The following LNPK variants were observed in gnomAD, a reference collection of about 807,000 sequenced individuals.
The protein encoded by LNPK is endoplasmic reticulum junction formation protein lunapark.
In LNPK, 29 loss-of-function variants were observed where a neutral mutation model predicts 55.2. That is an observed-to-expected ratio of 0.53 (90% CI 0.39 to 0.72). The LOEUF (loss-of-function observed/expected upper bound fraction) is 0.72. LNPK is among the 30% of genes least tolerant of loss of function. The probability of loss-of-function intolerance (pLI) is 0.00; values close to 1 mark genes in which losing one functional copy is unlikely to be tolerated. For missense variants in LNPK, 467 were observed against 494.8 expected, an observed-to-expected ratio of 0.94 and a Z score of 0.53; for synonymous variants, 162 against 168.2, an observed-to-expected ratio of 0.96 and a Z score of 0.29.
intron 9 of LNPK, among the ~76,000 whole-genome samples, chr2:175,946,332 C>G (rs1452799495): frequency 6.6e-5 from 10 of 152,068 alleles, no homozygotes; most frequent in Non-Finnish European, 1.3e-4. Flanking sequence ...TCAAATCAAC[C>G]AGATAACAAC....
intron 8 of LNPK, among the ~76,000 whole-genome samples, chr2:175,950,334 G>C (rs978365970): frequency 6.6e-6 from 1 of 152,084 alleles, no homozygotes; most frequent in Non-Finnish European, 1.5e-5. Context: ...AAGAGCTAGT[G>C]TTTGACAGTA....
chr2:175,929,410 G>A lies in LNPK; in HGVS notation c.*557C>T. 1 of 985,616 alleles carries A rather than the reference G, an allele frequency of 1.0e-6. No homozygotes were observed. Among genetic ancestry groups the A allele is most frequent in the Non-Finnish European group, 1.2e-6 (1 of 829,710 alleles). 61.1% of individuals were successfully genotyped at this position (985,616 alleles called of 1,614,324 possible). On this transcript the variant is annotated 3_prime_UTR_variant, in exon 13 of 13. Transcript: ENST00000272748. ...AACGTAGTTACAGTTCTACTTAACTGTTCCACTGCATTCTTATTGAGAATT... is the reference window on the plus strand; with the variant it reads ...AACGTAGTTACAGTTCTACTTAACTATTCCACTGCATTCTTATTGAGAATT...
At chr2:175,937,231 T>G in intron 12 of LNPK, 113 bp downstream of exon 12, 1 of 1,005,278 alleles carries the variant, frequency 9.9e-7, no homozygotes, top group South Asian at 1.6e-5. Context: ...AGTTGACATA[T>G]GCATGCAGCA....
chr2:175,960,909 C>T (rs1321307169), intron 8 of LNPK, among the ~76,000 whole-genome samples: 1 of 152,104 alleles, frequency 6.6e-6, no homozygotes, highest in African/African-American at 2.4e-5. Context: ...ATACAAACTA[C>T]CATAAGAGAA....
intron 12 of LNPK, among the ~76,000 whole-genome samples, chr2:175,930,441 T>C (rs1162423958): frequency 6.6e-6 from 1 of 152,146 alleles, no homozygotes; most frequent in African/African-American, 2.4e-5. Flanking sequence ...CCCATAAATA[T>C]ACTTTTTCTA....
At chr2:175,939,794 A>G (rs902055772) in intron 9 of LNPK, 137 bp from the exon 10 acceptor site, 11 of 510,698 alleles carry the variant, frequency 2.2e-5, no homozygotes, top group African/African-American at 2.1e-4. Context: ...AATTCTTATA[A>G]ATCTCTGAAG....
At chr2:175,988,610 A>G (rs1399905897) in intron 4 of LNPK, among the ~76,000 whole-genome samples, 1 of 152,050 alleles carries the variant, frequency 6.6e-6, no homozygotes, top group Non-Finnish European at 1.5e-5. Flanking sequence ...TTTAACCACC[A>G]AAGACTTCAG....
chr2:175,943,591 G>T (rs1426277967), intron 9 of LNPK, among the ~76,000 whole-genome samples: 1 of 151,892 alleles, frequency 6.6e-6, no homozygotes, highest in Non-Finnish European at 1.5e-5. Flanking sequence ...TTTATTCCAA[G>T]AAAGCAAGTT....
intron 12 of LNPK, among the ~76,000 whole-genome samples, chr2:175,934,150 A>AG (rs1684427647): frequency 6.6e-6 from 1 of 152,228 alleles, no homozygotes; most frequent in African/African-American, 2.4e-5. Flanking sequence ...CATACTACAT[A>AG]TCTTGAGAAG....
intron 4 of LNPK, among the ~76,000 whole-genome samples, chr2:175,981,387 T>G (rs1300766614): frequency 6.6e-6 from 1 of 152,198 alleles, no homozygotes; most frequent in East Asian, 1.9e-4. Context: ...AACTGATGCC[T>G]GCTAACAGCC....
Position 175,929,769 on chromosome 2 carries a change from C to T in LNPK, c.*198G>A. 1 of 1,413,726 alleles carries T rather than the reference C, an allele frequency of 7.1e-7. No homozygotes were observed. Among genetic ancestry groups the T allele is most frequent in the East Asian group, 2.5e-5 (1 of 39,322 alleles). 87.6% of individuals were successfully genotyped at this position (1,413,726 alleles called of 1,614,324 possible). On this transcript the variant is annotated 3_prime_UTR_variant, in exon 13 of 13. Coordinates refer to ENST00000272748, the MANE Select transcript of LNPK (RefSeq NM_030650.3). ...TCTTTGTACATTCAAAAGGATCTTA[C>T]TTCACTGATATAACTTGCTTTTAAT... is the stretch of plus-strand genomic sequence containing the variant.
chr2:175,967,090 T>C (rs1686395480), intron 6 of LNPK, among the ~76,000 whole-genome samples: 1 of 152,224 alleles, frequency 6.6e-6, no homozygotes, highest in Admixed American at 6.5e-5. Flanking sequence ...ACCAGCCACA[T>C]GTGGCCCAAG....
intron 4 of LNPK, among the ~76,000 whole-genome samples, chr2:175,981,337 G>A (rs1480402940): frequency 6.6e-6 from 1 of 152,228 alleles, no homozygotes; most frequent in Admixed American, 6.5e-5. Flanking sequence ...AAAGGTCCAT[G>A]CAGTGAGGAA....
At chr2:175,935,524 A>G (rs1049327264) in intron 12 of LNPK, among the ~76,000 whole-genome samples, 2 of 152,240 alleles carry the variant, frequency 1.3e-5, no homozygotes, top group Admixed American at 1.3e-4. Context: ...GTCTTGAGAA[A>G]AGTTTCAATC....
intron 1 of LNPK, among the ~76,000 whole-genome samples, chr2:176,000,771 A>C (rs1054503259): frequency 1.3e-5 from 2 of 152,192 alleles, no homozygotes; most frequent in African/African-American, 4.8e-5. Context: ...TAGAATTCTA[A>C]CTTTCAAATG....
chr2:175,958,948 C>T (rs770131280), intron 8 of LNPK, among the ~76,000 whole-genome samples: 18 of 152,220 alleles, frequency 1.2e-4, no homozygotes, highest in Admixed American at 1.3e-4. Context: ...TAGCCGATTT[C>T]ATCAAACAGA....
Position 175,929,467 on chromosome 2 carries a change from T to C in LNPK, c.*500A>G, listed in dbSNP as rs1452129854. 5 of 987,884 alleles carry C rather than the reference T, an allele frequency of 5.1e-6. No homozygotes were observed. Among genetic ancestry groups the C allele is most frequent in the Non-Finnish European group, 2.4e-6 (2 of 831,518 alleles). 61.2% of individuals were successfully genotyped at this position (987,884 alleles called of 1,614,324 possible). ...AGTGCCTATGTGGTAACAACTTTCA[T>C]ACCGCTTAATGTAAACACCTAAATA... On this transcript the variant is annotated 3_prime_UTR_variant, in exon 13 of 13. Transcript: ENST00000272748.
At position 175,924,194 on chromosome 2, in the gene LNPK, T is replaced by G. The variant is rs1042297182; in HGVS notation, c.*5773A>C. 6.6e-6 allele frequency: 1 copy of G among 152,178 alleles called. No individual in the cohort carries two copies. Among genetic ancestry groups the G allele is most frequent in the Non-Finnish European group, 1.5e-5 (1 of 68,008 alleles). 9.4% of individuals were successfully genotyped at this position (152,178 alleles called of 1,614,324 possible). Reference sequence around the variant, plus strand: ...CTCTGCTACAATTTTCACAATTAATTGAAGTTATACCAGATAGTAACTTAA... The same window carrying G: ...CTCTGCTACAATTTTCACAATTAATGGAAGTTATACCAGATAGTAACTTAA... On this transcript the variant is annotated 3_prime_UTR_variant, in exon 13 of 13. Coordinates refer to ENST00000272748, the MANE Select transcript of LNPK (RefSeq NM_030650.3).
At chr2:175,973,884 G>A (rs1447422072) in intron 5 of LNPK, among the ~76,000 whole-genome samples, 1 of 152,174 alleles carries the variant, frequency 6.6e-6, no homozygotes, top group African/African-American at 2.4e-5. Context: ...AGTCTTAAGT[G>A]TATTTTCCCT....
Sources: gnomAD v4.1 joint callset for allele counts (sites outside exome capture counted in the v4.1 genomes callset) on GRCh38, gnomAD v4.1.1 for gene constraint, MANE v1.5 for transcripts, NCBI Gene and HGNC (gene_info 2026-07-23, HGNC 2026-07-21) for gene names.